TNFAIP8: variants seen among roughly 807,000 people sequenced by gnomAD.
The protein encoded by TNFAIP8 is tumor necrosis factor alpha-induced protein 8.
In TNFAIP8, 7 loss-of-function variants were observed where a neutral mutation model predicts 13.3. That is an observed-to-expected ratio of 0.52 (90% CI 0.30 to 0.99). TNFAIP8 has a LOEUF of 0.99. Ranked by LOEUF, TNFAIP8 falls within the 50% of genes least tolerant of loss-of-function variation. The pLI, the probability that TNFAIP8 is intolerant of heterozygous loss-of-function variation, is 0.07. For synonymous variants in TNFAIP8, 94 were observed against 87.6 expected (o/e 1.07, Z -0.41); for missense variants, 258 against 236.9 (o/e 1.09, Z -0.58).
chr5:119,346,683 T>C (rs1750910841), intron 1 of TNFAIP8, among the ~76,000 whole-genome samples: 1 of 152,056 alleles, frequency 6.6e-6, no homozygotes, highest in Non-Finnish European at 1.5e-5. Flanking sequence ...AAAAGGAAAA[T>C]AACACAATAT....
chr5:119,364,767 G>A (rs868581445), intron 1 of TNFAIP8, among the ~76,000 whole-genome samples: 1 of 151,836 alleles, frequency 6.6e-6, no homozygotes, highest in East Asian at 1.9e-4. Context: ...TCATACTGGG[G>A]GAAAGCTTTG....
intron 1 of TNFAIP8, among the ~76,000 whole-genome samples, chr5:119,336,649 A>G (rs761011834): frequency 1.3e-5 from 2 of 152,218 alleles, no homozygotes; most frequent in Non-Finnish European, 2.9e-5. Flanking sequence ...AAGAACCTAC[A>G]GTCTCATAAA....
At position 119,288,007 on chromosome 5, in the gene TNFAIP8, AT is replaced by A. The variant is rs536582761; in HGVS notation, c.1+19101del. Among the ~76,000 whole-genome samples the A allele has an allele frequency of 1.2e-3, 177 of 152,288 alleles. 1 individual carries two copies. Among genetic ancestry groups the A allele is most frequent in the African/African-American group, 3.5e-3 (146 of 41,558 alleles). The stretch of plus-strand genomic sequence containing the variant: ...ATAAGCTCTTGTCTGATGAGGTGAG[AT>A]GTTATCCTGATAATTTAAAAAGCAA... On this transcript the variant is annotated intron_variant, in intron 1 of 1. Coordinates refer to the TNFAIP8 transcript ENST00000274456.
intron 1 of TNFAIP8, among the ~76,000 whole-genome samples, chr5:119,324,471 C>G (rs1438776641): frequency 1.3e-5 from 2 of 151,854 alleles, no homozygotes; most frequent in Admixed American, 1.3e-4. Flanking sequence ...CAGGGATAAG[C>G]AAAAAGGGAA....
Position 119,269,419 on chromosome 5 carries a change from C to T in TNFAIP8, c.1+512C>T, listed in dbSNP as rs146017689. The stretch of plus-strand genomic sequence containing the variant: ...CTTTGAGATCATTCGGTGGAGACTT[C>T]CTTTGAGGAAGAAAATGTGTGTGTG... On this transcript the variant is annotated intron_variant, in intron 1 of 1. Transcript: ENST00000274456. Among the ~76,000 whole-genome samples, 1,495 of 152,142 alleles carry T rather than the reference C, an allele frequency of 9.8e-3. 21 individuals carry two copies. Among genetic ancestry groups the T allele is most frequent in the South Asian group, 0.026 (123 of 4,816 alleles).
intron 1 of TNFAIP8, among the ~76,000 whole-genome samples, chr5:119,364,766 G>C (rs908721814): frequency 1.9e-4 from 29 of 151,950 alleles, no homozygotes; most frequent in Non-Finnish European, 2.9e-5. Context: ...TTCATACTGG[G>C]GGAAAGCTTT....
intron 1 of TNFAIP8, among the ~76,000 whole-genome samples, chr5:119,290,899 C>G (rs1748962417): frequency 6.6e-6 from 1 of 152,102 alleles, no homozygotes; most frequent in Non-Finnish European, 1.5e-5. Context: ...GGAGTAAAGC[C>G]TGGTCAGGTA....
chr5:119,300,755 T>C (rs1365521188), intron 1 of TNFAIP8, among the ~76,000 whole-genome samples: 1 of 152,232 alleles, frequency 6.6e-6, no homozygotes, highest in Non-Finnish European at 1.5e-5. Context: ...CAGGCTATGC[T>C]GTTACCCCTT....
intron 1 of TNFAIP8, among the ~76,000 whole-genome samples, chr5:119,292,675 TATATATATATAC>T (rs1387710245): frequency 1.7e-4 from 6 of 36,106 alleles, no homozygotes; most frequent in African/African-American, 4.6e-4. Context: ...TATATATATA[TATATATATATAC>T]ACACACACAC....
chr5:119,284,696 T>A (rs73248986), intron 1 of TNFAIP8, among the ~76,000 whole-genome samples: 1,514 of 151,400 alleles, frequency 0.01, 17 homozygotes, highest in African/African-American at 0.034. Flanking sequence ...AAAAAAAAAA[T>A]TCTGTAGCAT....
At chr5:119,377,149 TC>T (rs2112829031) in intron 1 of TNFAIP8, among the ~76,000 whole-genome samples, 1 of 152,220 alleles carries the variant, frequency 6.6e-6, no homozygotes, top group African/African-American at 2.4e-5. Flanking sequence ...CATCCAGTAA[TC>T]CAGCACTTTG....
intron 1 of TNFAIP8, among the ~76,000 whole-genome samples, chr5:119,336,885 C>G (rs1382788168): frequency 2.0e-5 from 3 of 152,160 alleles, no homozygotes; most frequent in South Asian, 2.1e-4. Context: ...TAACATGGAC[C>G]ATTTTGGCCC....
chr5:119,352,221 C>T (rs148814783), upstream of TNFAIP8, among the ~76,000 whole-genome samples: 2 of 152,302 alleles, frequency 1.3e-5, no homozygotes, highest in African/African-American at 4.8e-5. Flanking sequence ...ATAGGAAGAA[C>T]TCAAAGCCTA....
At chr5:119,389,706 ATGG>A (rs1562036000) in intron 1 of TNFAIP8, among the ~76,000 whole-genome samples, 1 of 152,144 alleles carries the variant, frequency 6.6e-6, no homozygotes, top group Non-Finnish European at 1.5e-5. Flanking sequence ...AGAGCTTCAG[ATGG>A]TGGAGGGGAA....
chr5:119,387,062 A>G (rs1450354237), intron 1 of TNFAIP8, among the ~76,000 whole-genome samples: 1 of 136,468 alleles, frequency 7.3e-6, no homozygotes, highest in Admixed American at 8.5e-5. Context: ...TGACTTTGGG[A>G]TTTTGAGTAT....
At chr5:119,288,015 C>T (rs1748857376) in intron 1 of TNFAIP8, among the ~76,000 whole-genome samples, 3 of 152,240 alleles carry the variant, frequency 2.0e-5, no homozygotes, top group East Asian at 3.9e-4. Flanking sequence ...AGATGTTATC[C>T]TGATAATTTA....
intron 1 of TNFAIP8, among the ~76,000 whole-genome samples, chr5:119,386,938 T>C (rs1752700796): frequency 6.6e-6 from 1 of 151,454 alleles, no homozygotes; most frequent in South Asian, 2.1e-4. Context: ...AGAGTTCATA[T>C]CTGTGCTGCT....
intron 1 of TNFAIP8, among the ~76,000 whole-genome samples, chr5:119,326,002 T>C (rs11960654): frequency 0.097 from 14,704 of 152,264 alleles, 826 homozygotes; most frequent in African/African-American, 0.16. Context: ...CCTTCATTTA[T>C]GTATGTGCTT....
At chr5:119,336,893 C>T (rs1381748743) in intron 1 of TNFAIP8, among the ~76,000 whole-genome samples, 1 of 152,148 alleles carries the variant, frequency 6.6e-6, no homozygotes, top group Non-Finnish European at 1.5e-5. Context: ...ACCATTTTGG[C>T]CCAATACTCA....
Sources: gnomAD v4.1 joint callset for allele counts (sites outside exome capture counted in the v4.1 genomes callset) on GRCh38, gnomAD v4.1.1 for gene constraint, MANE v1.5 for transcripts, NCBI Gene and HGNC (gene_info 2026-07-23, HGNC 2026-07-21) for gene names.